The following TSHR variants were observed in gnomAD, a reference collection of about 807,000 sequenced individuals.
The protein encoded by TSHR is thyroid stimulating hormone receptor, also known as thyrotropin receptor.
In TSHR, 51 loss-of-function variants were observed where a neutral mutation model predicts 64.1. The ratio of observed to expected loss-of-function variants is 0.80; its 90% confidence interval spans 0.64 to 1.01. The LOEUF is 1.01. Among genes scored for constraint, TSHR ranks in the 50% least tolerant of loss-of-function variants. TSHR has a pLI of 0.00. For synonymous variants in TSHR, 361 were observed against 361.9 expected, an observed-to-expected ratio of 1.00 and a Z score of 0.03; for missense variants, 877 against 942.8, an observed-to-expected ratio of 0.93 and a Z score of 0.91.
chr14:81,144,250 G>T lies in TSHR; in HGVS notation c.2192G>T (p.Gly731Val), dbSNP rs778846511. The T allele has an allele frequency of 3.1e-6, 5 of 1,613,636 alleles. No individual in the cohort carries two copies. The highest frequency in any genetic ancestry group is 1.6e-4 in the Middle Eastern group (1 of 6,084). ...AAGGTTACCCACGAGATGAGGCAGG[G>T]TCTCCACAACATGGAAGATGTCTAT... ...VQKVTHEMRQ[G>V]LHNMEDVYEL... The change falls in exon 10 of 10, where the codon GGT (glycine) becomes GTT (valine). Residue 731 changes from glycine to valine, a missense_variant. Gly to Val is a moderately radical substitution (Grantham distance 109). Transcript: ENST00000298171.
At chr14:81,060,059 T>G (rs1886120838) in intron 1 of TSHR, among the ~76,000 whole-genome samples, 1 of 152,160 alleles carries the variant, frequency 6.6e-6, no homozygotes, top group Admixed American at 6.6e-5. Context: ...CATTGCAATC[T>G]TATTCTAGTT....
intron 1 of TSHR, among the ~76,000 whole-genome samples, chr14:81,047,909 G>T (rs1405536142): frequency 6.6e-6 from 1 of 152,088 alleles, no homozygotes. Flanking sequence ...GCCTCCCAAA[G>T]TGCTGGGATT....
chr14:81,039,666 T>C (rs1262629258), intron 1 of TSHR, among the ~76,000 whole-genome samples: 1 of 152,024 alleles, frequency 6.6e-6, no homozygotes, highest in Non-Finnish European at 1.5e-5. Context: ...GTAGCACTTC[T>C]ATGTGCCAAT....
At chr14:80,974,575 A>G (rs1353491301) in intron 1 of TSHR, among the ~76,000 whole-genome samples, 1 of 152,202 alleles carries the variant, frequency 6.6e-6, no homozygotes, top group African/African-American at 2.4e-5. Flanking sequence ...CTAAAACAAC[A>G]AAGCCAGAAG....
At chr14:81,056,737 C>T (rs544226528) in intron 1 of TSHR, among the ~76,000 whole-genome samples, 19 of 152,234 alleles carry the variant, frequency 1.2e-4, no homozygotes, top group Admixed American at 2.6e-4. Flanking sequence ...AAGCCCAAAT[C>T]AAAACTCTGT....
chr14:80,955,650 G>T lies in TSHR; in HGVS notation c.-31G>T. 6.2e-7 allele frequency: 1 copy of T among 1,613,020 alleles called. No individual in the cohort carries two copies. The highest frequency in any genetic ancestry group is 8.5e-7 in the Non-Finnish European group (1 of 1,179,772). On this transcript the variant is annotated 5_prime_UTR_variant, in exon 1 of 10. Coordinates refer to ENST00000298171, the MANE Select transcript of TSHR (RefSeq NM_000369.5). ...AGCTGAGAATGAGGCGATTTCGGAG[G>T]ATGGAGAAATAGCCCCGAGTCCCGT...
At chr14:80,969,793 G>A (rs1017472687) in intron 1 of TSHR, among the ~76,000 whole-genome samples, 3 of 152,178 alleles carry the variant, frequency 2.0e-5, no homozygotes, top group Non-Finnish European at 4.4e-5. Context: ...GAGCATTAAC[G>A]TGAGACACAA....
chr14:80,962,756 G>A (rs1210161421), intron 1 of TSHR, among the ~76,000 whole-genome samples: 1 of 152,160 alleles, frequency 6.6e-6, no homozygotes, highest in Non-Finnish European at 1.5e-5. Flanking sequence ...TTCTTCCCTA[G>A]TCAGGGAGGG....
intron 8 of TSHR, among the ~76,000 whole-genome samples, chr14:81,130,575 T>G (rs1891195960): frequency 1.3e-5 from 2 of 152,212 alleles, no homozygotes; most frequent in Admixed American, 6.5e-5. Flanking sequence ...TTGATATTCT[T>G]TTTATCTATA....
intron 3 of TSHR, among the ~76,000 whole-genome samples, chr14:81,080,211 C>T (rs574954112): frequency 1.3e-5 from 2 of 152,272 alleles, no homozygotes; most frequent in East Asian, 3.9e-4. Context: ...CTCAGCCTCC[C>T]AAAGTCCTGG....
At position 81,058,901 on chromosome 14, in the gene TSHR, A is replaced by G. The variant is rs191922734; in HGVS notation, c.171-3247A>G. Among the ~76,000 whole-genome samples, 31 of 152,304 alleles carry G rather than the reference A, an allele frequency of 2.0e-4. No individual in the cohort carries two copies. In the East Asian group the frequency reaches 4.4e-3, roughly 22 times the overall value. ...TCTTTGAGTAAAAGGCCTTCTCTTG[A>G]AAAGGTAGATAATAGAAAGAACATC... On this transcript the variant is annotated intron_variant, in intron 1 of 9. Coordinates refer to ENST00000298171, the MANE Select transcript of TSHR (RefSeq NM_000369.5).
At chr14:81,020,975 G>T (rs1387694200) in intron 1 of TSHR, among the ~76,000 whole-genome samples, 1 of 151,708 alleles carries the variant, frequency 6.6e-6, no homozygotes, top group South Asian at 2.1e-4. Context: ...CACACTTTGG[G>T]TGTCACTGTC....
intron 2 of TSHR, among the ~76,000 whole-genome samples, chr14:81,066,347 GTC>G (rs1329776715): frequency 3.3e-5 from 5 of 152,044 alleles, no homozygotes; most frequent in African/African-American, 1.2e-4. Flanking sequence ...AATCCCCACA[GTC>G]TCTACACGGT....
chr14:81,057,719 G>A (rs1885925839), intron 1 of TSHR, among the ~76,000 whole-genome samples: 2 of 152,080 alleles, frequency 1.3e-5, no homozygotes, highest in African/African-American at 2.4e-5. Context: ...ATACAAACAC[G>A]CAGAATCACA....
At chr14:81,050,434 A>T (rs968374401) in intron 1 of TSHR, 2 of 152,182 alleles carry the variant, frequency 1.3e-5, no homozygotes, top group African/African-American at 4.8e-5. Context: ...TCCCTAAAAT[A>T]GTCTGCTGAG....
intron 1 of TSHR, chr14:81,052,366 G>T (rs530074016): frequency 6.6e-6 from 1 of 152,220 alleles, no homozygotes; most frequent in Non-Finnish European, 1.5e-5. Flanking sequence ...AGATATGTGC[G>T]TTTATCTGGG....
chr14:81,090,335 C>T (rs1888623942), intron 4 of TSHR, among the ~76,000 whole-genome samples: 1 of 152,174 alleles, frequency 6.6e-6, no homozygotes, highest in Admixed American at 6.5e-5. Flanking sequence ...ACCTCCACCT[C>T]CCAGGTTCAA....
intron 1 of TSHR, among the ~76,000 whole-genome samples, chr14:80,988,563 A>G (rs1055463419): frequency 6.6e-6 from 1 of 152,158 alleles, no homozygotes; most frequent in African/African-American, 2.4e-5. Flanking sequence ...GATCCAAACC[A>G]TATCACTTCC....
At chr14:81,034,540 G>T (rs726627) in intron 1 of TSHR, among the ~76,000 whole-genome samples, 37,211 of 152,148 alleles carry the variant, frequency 0.24, 4,680 homozygotes, top group South Asian at 0.33. Flanking sequence ...AATTTAAGCA[G>T]AAAAAGGGTC....
Sources: allele counts gnomAD v4.1 joint callset (sites outside exome capture counted in the v4.1 genomes callset), GRCh38; gene constraint gnomAD v4.1.1; transcripts MANE v1.5; gene names NCBI Gene and HGNC (gene_info 2026-07-23, HGNC 2026-07-21).